Variants in FRAS1 observed in about 807,000 individuals in gnomAD.
FRAS1 encodes the protein Fraser extracellular matrix complex subunit 1.
In FRAS1, 290 loss-of-function variants were observed where a neutral mutation model predicts 435.2. The observed-to-expected ratio is 0.67, with a 90% confidence interval of 0.61 to 0.73. The LOEUF (loss-of-function observed/expected upper bound fraction) is 0.73. FRAS1 is among the 30% of genes least tolerant of loss of function. FRAS1 has a pLI of 0.00. For synonymous variants in FRAS1, 1,800 were observed against 1,851.0 expected (o/e 0.97, Z 0.71); for missense variants, 4,860 against 5,001.5 (o/e 0.97, Z 0.85).
At chr4:78,355,568 T>A (rs1412067779) in intron 20 of FRAS1, among the ~76,000 whole-genome samples, 1 of 152,152 alleles carries the variant, frequency 6.6e-6, no homozygotes, top group Non-Finnish European at 1.5e-5. Context: ...CTTTTTTTGA[T>A]TACAGGCAGG....
chr4:78,240,450 A>G (rs1372177912), intron 3 of FRAS1, among the ~76,000 whole-genome samples: 2 of 152,186 alleles, frequency 1.3e-5, no homozygotes, highest in Non-Finnish European at 2.9e-5. Flanking sequence ...AGGAGAAACG[A>G]CTGCCATATT....
chr4:78,538,465 G>C (rs751063966), intron 72 of FRAS1, among the ~76,000 whole-genome samples: 2 of 152,180 alleles, frequency 1.3e-5, no homozygotes, highest in Non-Finnish European at 2.9e-5. Flanking sequence ...CCCAGAGTTA[G>C]TGTATTAGTC....
chr4:78,234,206 C>T (rs1306832073), intron 2 of FRAS1, among the ~76,000 whole-genome samples: 1 of 152,060 alleles, frequency 6.6e-6, no homozygotes, highest in Non-Finnish European at 1.5e-5. Flanking sequence ...TTTTCCTCAC[C>T]TTCTTGTTTT....
intron 2 of FRAS1, among the ~76,000 whole-genome samples, chr4:78,121,662 T>C (rs1719031007): frequency 6.6e-6 from 1 of 152,242 alleles, no homozygotes; most frequent in Non-Finnish European, 1.5e-5. Flanking sequence ...AGATGTATTA[T>C]ATAAACAAAG....
At chr4:78,354,832 G>A (rs1231118146) in intron 20 of FRAS1, among the ~76,000 whole-genome samples, 1 of 152,196 alleles carries the variant, frequency 6.6e-6, no homozygotes, top group Non-Finnish European at 1.5e-5. Flanking sequence ...TGCGTCGACA[G>A]TACACATTTA....
At chr4:78,157,656 A>C (rs1720952289) in intron 2 of FRAS1, among the ~76,000 whole-genome samples, 1 of 151,938 alleles carries the variant, frequency 6.6e-6, no homozygotes, top group Admixed American at 6.6e-5. Flanking sequence ...CCACTTTTTA[A>C]TTTGGTTGTT....
At chr4:78,114,192 C>A (rs1742963174) in intron 2 of FRAS1, among the ~76,000 whole-genome samples, 1 of 152,166 alleles carries the variant, frequency 6.6e-6, no homozygotes, top group Admixed American at 6.5e-5. Context: ...GTCTATATAT[C>A]TGTTTGGGTA....
intron 22 of FRAS1, among the ~76,000 whole-genome samples, chr4:78,369,372 C>T: frequency 6.6e-6 from 1 of 152,158 alleles, no homozygotes; most frequent in East Asian, 1.9e-4. Context: ...ATCAATAAAC[C>T]AGTTCACCTT....
rs35219594 is a variant in FRAS1 at position 78,432,433 on chromosome 4, C to G, written c.5046C>G (p.Asp1682Glu). The G allele has an allele frequency of 4.7e-3, 7,568 of 1,612,766 alleles. 24 individuals are homozygous for G. Among genetic ancestry groups the G allele is most frequent in the Non-Finnish European group, 5.8e-3 (6,825 of 1,179,384 alleles). Residue 1682 changes from aspartate to glutamate, a missense_variant, in exon 38 of 74, where the codon GAC (aspartate) becomes GAG (glutamate). Physicochemically the swap from Asp to Glu is conservative, Grantham distance 45. Transcript: ENST00000512123. ...ATGATGGTTCCTCTACCCGGGAAGA[C>G]AGCATGGAGATCTCAGTCACAGATG... ...YIHDGSSTREDSMEISVTDGL... is the reference protein window; with the variant it reads ...YIHDGSSTREESMEISVTDGL...
rs77649314 is a variant in FRAS1, at chr4:78,317,015, G to A, written c.1820-353G>A. Among the ~76,000 whole-genome samples the A allele has an allele frequency of 5.5e-3, 835 of 152,230 alleles. 6 individuals are homozygous for A. The highest frequency in any genetic ancestry group is 0.019 in the African/African-American group (793 of 41,532). ...TGCTATGAATAAAGCATGTCACCGT[G>A]GGTAAATTTTTGAACTTCCAAGACC... On this transcript the variant is annotated intron_variant, in intron 16 of 73. Transcript: ENST00000512123.
intron 2 of FRAS1, among the ~76,000 whole-genome samples, chr4:78,229,711 T>TA (rs10599067): frequency 1.7e-4 from 25 of 148,378 alleles, no homozygotes; most frequent in South Asian, 6.6e-4. Flanking sequence ...CAGCACAGAA[T>TA]AAAAAAAAAA....
At chr4:78,364,225 G>T (rs1026725038) in intron 22 of FRAS1, among the ~76,000 whole-genome samples, 171 bp downstream of exon 22, 1 of 152,150 alleles carries the variant, frequency 6.6e-6, no homozygotes, top group African/African-American at 2.4e-5. Context: ...GCAGATTATG[G>T]CTCAGATATC....
chr4:78,298,992 G>A (rs57153735), intron 14 of FRAS1, among the ~76,000 whole-genome samples: 2,076 of 152,278 alleles, frequency 0.014, 52 homozygotes, highest in African/African-American at 0.047. Context: ...TATCAGACAA[G>A]TTTAGCAAAG....
chr4:78,079,836 A>G (rs1394076993), intron 2 of FRAS1, among the ~76,000 whole-genome samples: 1 of 152,152 alleles, frequency 6.6e-6, no homozygotes, highest in Non-Finnish European at 1.5e-5. Context: ...AAGAAACCTT[A>G]TGATTTACTA....
chr4:78,103,504 TGAAGG>T lies in FRAS1; in HGVS notation c.108+37490_108+37494del, dbSNP rs201395714. Among the ~76,000 whole-genome samples the T allele has an allele frequency of 5.9e-5, 9 of 152,262 alleles. No individual in the cohort carries two copies. The East Asian group carries it at 1.7e-3, about 29-fold the overall frequency. On this transcript the variant is annotated intron_variant, in intron 2 of 73. Transcript: ENST00000512123. ...TGAGCCTAGCAGGGATGTGCATTTA[TGAAGG>T]GTAATGTATTATAGTTTGCTATGGT... is the stretch of plus-strand genomic sequence containing the variant.
rs145850420 is a variant in FRAS1, at chr4:78,099,147, G to A, written c.108+33131G>A. 8.6e-4 allele frequency among the ~76,000 whole-genome samples: 131 copies of A among 151,978 alleles called. 1 individual carries two copies. The highest frequency in any genetic ancestry group is 3.0e-3 in the African/African-American group (126 of 41,432). On this transcript the variant is annotated intron_variant, in intron 2 of 73. Coordinates refer to ENST00000512123, the MANE Select transcript of FRAS1 (RefSeq NM_025074.7). ...CTAGGTCTCAGCTTTAGAGAGGAGAGGGGGGGCCATGGGGTGATCGAGGAA... is the reference window on the plus strand; with the variant it reads ...CTAGGTCTCAGCTTTAGAGAGGAGAAGGGGGGCCATGGGGTGATCGAGGAA...
intron 2 of FRAS1, among the ~76,000 whole-genome samples, chr4:78,215,787 T>C (rs1321105651): frequency 6.6e-6 from 1 of 152,258 alleles, no homozygotes. Context: ...TATCAGAGTT[T>C]TCCTTCCTAA....
At chr4:78,337,034 A>C (rs1357532447) in intron 19 of FRAS1, among the ~76,000 whole-genome samples, 1 of 151,834 alleles carries the variant, frequency 6.6e-6, no homozygotes, top group African/African-American at 2.4e-5. Context: ...TGGAGAAGAC[A>C]TAGCTTTGGC....
chr4:78,463,949 A>G (rs1353785210), intron 47 of FRAS1, 72 bp from the exon 48 acceptor site: 71 of 1,542,444 alleles, frequency 4.6e-5, no homozygotes, highest in Non-Finnish European at 6.2e-5. Flanking sequence ...AGAGTATGAC[A>G]CTTCCCTAGC....
Sources: gnomAD v4.1 joint callset for allele counts (sites outside exome capture counted in the v4.1 genomes callset) on GRCh38, gnomAD v4.1.1 for gene constraint, MANE v1.5 for transcripts, NCBI Gene and HGNC (gene_info 2026-07-23, HGNC 2026-07-21) for gene names.